Variants in FAM20B observed in about 807,000 individuals in gnomAD.
FAM20B encodes the protein FAM20B glycosaminoglycan xylosylkinase.
A neutral mutation model predicts 43.8 loss-of-function variants in FAM20B; 23 were observed. The observed-to-expected ratio is 0.53, with a 90% CI of 0.38 to 0.74. FAM20B has a LOEUF of 0.74. Among genes scored for constraint, FAM20B ranks in the 30% least tolerant of loss-of-function variants. The pLI, the probability that FAM20B is intolerant of heterozygous loss-of-function variation, is 0.00. For missense variants in FAM20B, 440 were observed against 510.5 expected (o/e 0.86, Z 1.33); for synonymous variants, 178 against 192.4 (o/e 0.93, Z 0.62).
chr1:179,040,728 C>T (rs1487863985), intron 1 of FAM20B, among the ~76,000 whole-genome samples: 5 of 148,144 alleles, frequency 3.4e-5, no homozygotes, highest in South Asian at 2.1e-4. Context: ...ACCTCCCTCC[C>T]GGACGGGGCG....
chr1:179,031,247 C>G (rs1032016129), intron 1 of FAM20B, among the ~76,000 whole-genome samples: 11 of 152,186 alleles, frequency 7.2e-5, no homozygotes, highest in Admixed American at 2.0e-4. Flanking sequence ...TCTGTACTGA[C>G]AGTTGTGCTG....
At chr1:179,028,807 C>A (rs542264014) in intron 1 of FAM20B, among the ~76,000 whole-genome samples, 2 of 151,786 alleles carry the variant, frequency 1.3e-5, no homozygotes, top group African/African-American at 4.8e-5. Flanking sequence ...AATAAATATT[C>A]GTCAGTTGAA....
intron 7 of FAM20B, among the ~76,000 whole-genome samples, chr1:179,068,643 C>T (rs973940726): frequency 1.3e-5 from 2 of 152,078 alleles, no homozygotes; most frequent in Admixed American, 1.3e-4. Flanking sequence ...ACCATATTGG[C>T]CAGGCTGGTC....
intron 3 of FAM20B, among the ~76,000 whole-genome samples, chr1:179,053,583 T>TG (rs1195143840): frequency 6.6e-6 from 1 of 152,216 alleles, no homozygotes; most frequent in Non-Finnish European, 1.5e-5. Flanking sequence ...CCCTTGCCTC[T>TG]GGGGGTATCT....
chr1:179,067,619 T>A (rs887087315), intron 7 of FAM20B, among the ~76,000 whole-genome samples: 1 of 151,756 alleles, frequency 6.6e-6, no homozygotes, highest in Non-Finnish European at 1.5e-5. Flanking sequence ...AAATAAATAA[T>A]AAATAATAAT....
In FAM20B at chr1:179,064,333, G is replaced by A. The variant is rs751034220; in HGVS notation, c.775G>A (p.Ala259Thr). The A allele has an allele frequency of 1.2e-6, 2 of 1,612,704 alleles. No homozygotes were observed. Among genetic ancestry groups the A allele is most frequent in the South Asian group, 2.2e-5 (2 of 90,932 alleles). ...GGAGTATGATGAGAGCTACTGTGAT[G>A]CTGTGAAGAAAACGTCCCCTTATGA... ...RWEYDESYCD[A>T]VKKTSPYDSG... Residue 259 changes from alanine to threonine, a missense_variant, in exon 6 of 8, where the codon GCT (alanine) becomes ACT (threonine). Ala to Thr is a moderately conservative substitution (Grantham distance 58). Transcript: ENST00000263733.
chr1:179,071,303 AAATAAT>A (rs1239564571), intron 7 of FAM20B, among the ~76,000 whole-genome samples: 5 of 151,642 alleles, frequency 3.3e-5, no homozygotes, highest in Admixed American at 2.6e-4. Flanking sequence ...CTCAAAAAAA[AAATAAT>A]AATAATAATT....
chr1:179,054,517 C>T lies in FAM20B; in HGVS notation c.465-12C>T. ...AGATTTTTCTCTTCTGTTCTTCAAT[C>T]TTCCAAACCAGGATTCTGGGTTTCC... On this transcript the variant is annotated splice_polypyrimidine_tract_variant and intron_variant, in intron 3 of 7. Transcript: ENST00000263733. 2 of 1,573,386 alleles carry T rather than the reference C, an allele frequency of 1.3e-6. No individual in the cohort carries two copies. Among genetic ancestry groups the T allele is most frequent in the Non-Finnish European group, 1.7e-6 (2 of 1,144,180 alleles).
chr1:179,019,783 C>T, the FAM20B span, among the ~76,000 whole-genome samples: 3 of 152,150 alleles, frequency 2.0e-5, no homozygotes, highest in African/African-American at 7.2e-5. Context: ...TTGTGCATTG[C>T]CATGGTGAAA....
intron 7 of FAM20B, among the ~76,000 whole-genome samples, chr1:179,071,412 G>T (rs759401715): frequency 6.6e-6 from 1 of 152,176 alleles, no homozygotes; most frequent in Non-Finnish European, 1.5e-5. Flanking sequence ...AACGTCTAAG[G>T]ATCCTCTTGT....
At chr1:179,021,770 T>C (rs187137615), upstream of FAM20B, among the ~76,000 whole-genome samples, 2 of 152,364 alleles carry the variant, frequency 1.3e-5, no homozygotes, top group Admixed American at 6.5e-5. Context: ...TTGGGGGTGA[T>C]GAAAATGTTC....
chr1:179,066,762 C>T (rs760302407), intron 6 of FAM20B, 38 bp from the exon 7 acceptor site: 3 of 1,416,946 alleles, frequency 2.1e-6, no homozygotes, highest in Non-Finnish European at 1.0e-6. Flanking sequence ...GAGAACAGTA[C>T]TTCCACCTAA....
At chr1:179,062,636 C>G (rs549087477) in intron 4 of FAM20B, among the ~76,000 whole-genome samples, 1 of 151,806 alleles carries the variant, frequency 6.6e-6, no homozygotes, top group South Asian at 2.1e-4. Context: ...GGCAACAGAG[C>G]GAGACTCCAT....
Position 179,074,607 on chromosome 1 carries a change from A to T in FAM20B, c.*2463A>T, listed in dbSNP as rs1183681343. Reference sequence around the variant, plus strand: ...CTCATCCTTTCTTGAAAGCATTTGCAGAAAATATATCATTTCATTTTATTC... The same window carrying T: ...CTCATCCTTTCTTGAAAGCATTTGCTGAAAATATATCATTTCATTTTATTC... On this transcript the variant is annotated 3_prime_UTR_variant, in exon 8 of 8. Coordinates refer to ENST00000263733, the MANE Select transcript of FAM20B (RefSeq NM_014864.4). 1 of 152,218 alleles carries T rather than the reference A, an allele frequency of 6.6e-6. No individual in the cohort carries two copies. Among genetic ancestry groups the T allele is most frequent in the Non-Finnish European group, 1.5e-5 (1 of 68,038 alleles). 9.4% of individuals were successfully genotyped at this position (152,218 alleles called of 1,614,324 possible).
chr1:179,069,401 C>T (rs1335781870), intron 7 of FAM20B, among the ~76,000 whole-genome samples: 2 of 152,096 alleles, frequency 1.3e-5, no homozygotes, highest in African/African-American at 2.4e-5. Context: ...GATGGAGTCT[C>T]GCTCTGTCGC....
intron 3 of FAM20B, among the ~76,000 whole-genome samples, chr1:179,052,306 A>C (rs1205368277): frequency 6.6e-6 from 1 of 152,190 alleles, no homozygotes; most frequent in Non-Finnish European, 1.5e-5. Context: ...GGGGAGGTTC[A>C]TCCTCACCAG....
At chr1:179,051,453 C>T (rs1325607000) in intron 3 of FAM20B, among the ~76,000 whole-genome samples, 4 of 151,832 alleles carry the variant, frequency 2.6e-5, no homozygotes, top group South Asian at 2.1e-4. Flanking sequence ...GGAGAAGCCC[C>T]GTCTCTACTA....
chr1:179,049,006 C>A (rs1483565511), intron 2 of FAM20B, among the ~76,000 whole-genome samples: 1 of 152,204 alleles, frequency 6.6e-6, no homozygotes, highest in African/African-American at 2.4e-5. Flanking sequence ...ATTTCTATTT[C>A]ATAGGTCCAT....
chr1:179,032,832 G>A (rs773391322), intron 1 of FAM20B, among the ~76,000 whole-genome samples: 1 of 152,102 alleles, frequency 6.6e-6, no homozygotes, highest in Non-Finnish European at 1.5e-5. Flanking sequence ...TTTTCCCAGG[G>A]TACTCAGCAT....
Sources: gnomAD v4.1 joint callset for allele counts (sites outside exome capture counted in the v4.1 genomes callset) on GRCh38, gnomAD v4.1.1 for gene constraint, MANE v1.5 for transcripts, NCBI Gene and HGNC (gene_info 2026-07-23, HGNC 2026-07-21) for gene names.